The following MGAM variants were observed in gnomAD, a reference collection of about 807,000 sequenced individuals.
MGAM encodes alpha-1,4-glucosidase.
A neutral mutation model predicts 358.8 loss-of-function variants in MGAM; 253 were observed. The ratio of observed to expected loss-of-function variants is 0.71; its 90% CI spans 0.64 to 0.78. The LOEUF is 0.78. MGAM is among the 30% of genes least tolerant of loss of function. MGAM has a pLI of 0.00. For missense variants in MGAM, 3,080 were observed against 3,432.6 expected (o/e 0.90, Z 2.57); for synonymous variants, 1,105 against 1,227.1 (o/e 0.90, Z 2.08).
intron 1 of MGAM, among the ~76,000 whole-genome samples, chr7:141,998,987 A>G (rs1319813867): frequency 6.6e-6 from 1 of 151,870 alleles, no homozygotes; most frequent in Non-Finnish European, 1.5e-5. Context: ...TTTACCCCCC[A>G]CTTTTTCTCC....
Position 142,005,667 on chromosome 7 carries a change from A to C in MGAM, c.127+10A>C, listed in dbSNP as rs1208844364. The C allele has an allele frequency of 6.3e-7, 1 of 1,599,506 alleles. No homozygotes were observed. The highest frequency in any genetic ancestry group is 8.5e-7 in the Non-Finnish European group (1 of 1,172,556). ...TCACTGAAATCAACAGGTAAGAAGT[A>C]ACTCTGGGGCTCTCTCCATATGTTG... On this transcript the variant is annotated intron_variant, in intron 2 of 70. Coordinates refer to ENST00000475668, the MANE Select transcript of MGAM (RefSeq NM_001365693.1).
chr7:142,022,033 G>A (rs1806512289), intron 6 of MGAM, among the ~76,000 whole-genome samples: 1 of 152,074 alleles, frequency 6.6e-6, no homozygotes, highest in South Asian at 2.1e-4. Flanking sequence ...ATAGTGTTCT[G>A]GTCATGTAGT....
chr7:142,040,606 A>G (rs1808426017), intron 20 of MGAM, 116 bp from the exon 21 acceptor site: 1 of 1,322,422 alleles, frequency 7.6e-7, no homozygotes, highest in African/African-American at 1.5e-5. Context: ...GCCTGGCTAG[A>G]CCATAATTCA....
rs77267585 is a variant in MGAM, at chr7:142,026,347, T to C, written c.983-768T>C. ...TATGAAAGTCAGAGAGGAGAAACTT[T>C]TCCTCTAACCTCTTAGGGTTAATTC... is the stretch of plus-strand genomic sequence containing the variant. On this transcript the variant is annotated intron_variant, in intron 8 of 70. Transcript: ENST00000475668. Among the ~76,000 whole-genome samples the C allele has an allele frequency of 1.2e-4, 19 of 152,294 alleles. No homozygotes were observed. In the East Asian group the frequency reaches 3.3e-3, roughly 26 times the overall value.
chr7:142,060,029 A>G (rs1367377837), intron 33 of MGAM, 63 bp downstream of exon 33: 17 of 1,490,610 alleles, frequency 1.1e-5, no homozygotes, highest in Middle Eastern at 2.2e-4. Context: ...TTGGTGGGTC[A>G]CTGTTAGTGG....
intron 54 of MGAM, among the ~76,000 whole-genome samples, chr7:142,085,572 A>T (rs1270748255): frequency 6.8e-6 from 1 of 146,200 alleles, no homozygotes; most frequent in East Asian, 2.0e-4. Context: ...CAGTGTTCGT[A>T]TTTATCCTCA....
At chr7:142,032,978 T>C in intron 14 of MGAM, 69 bp downstream of exon 14, 1 of 1,039,424 alleles carries the variant, frequency 9.6e-7, no homozygotes, top group Non-Finnish European at 1.4e-6. Context: ...TAAGGACAGA[T>C]CTGAAAAATC....
intron 50 of MGAM, 76 bp from the exon 51 acceptor site, chr7:142,081,966 G>A: frequency 7.2e-7 from 1 of 1,394,596 alleles, no homozygotes. Context: ...GTGTTCTGTT[G>A]TCCTTGAAAA....
chr7:142,045,589 C>T (rs181433257), intron 21 of MGAM, among the ~76,000 whole-genome samples: 60 of 93,430 alleles, frequency 6.4e-4, no homozygotes, highest in African/African-American at 1.9e-3. Flanking sequence ...TATATACATA[C>T]AATATATGAA....
rs782023911 is a variant in MGAM at position 142,036,817 on chromosome 7, TC to T, written c.2077-3del. On this transcript the variant is annotated splice_polypyrimidine_tract_variant and splice_region_variant and intron_variant, in intron 17 of 70. Transcript: ENST00000475668. The stretch of plus-strand genomic sequence containing the variant: ...ACCACAACTGCAAACTCCTATTTCC[TC>T]CCAGGACCAGGATCCTGCCTCCTTT... The T allele has an allele frequency of 6.2e-6, 10 of 1,612,680 alleles. No individual in the cohort carries two copies. Among genetic ancestry groups the T allele is most frequent in the Non-Finnish European group, 8.5e-6 (10 of 1,179,276 alleles).
Position 142,050,243 on chromosome 7 carries a change from G to A in MGAM, c.2596G>A (p.Ala866Thr). ...CTTTCTCTCACTTTCAGATACTGTG[G>A]CCAATAAAGTGTATCTTTTATGTGA... ...WDNGETKDTV[A>T]NKVYLLCEFS... is the part of the protein sequence containing the mutation. The change falls in exon 23 of 71, where the codon GCC becomes ACC. Residue 866 changes from alanine (A) to threonine (T), a missense_variant. Physicochemically the swap from Ala to Thr is moderately conservative, Grantham distance 58 (BLOSUM62 0). Coordinates refer to ENST00000475668, the MANE Select transcript of MGAM (RefSeq NM_001365693.1). 1 of 1,613,792 alleles carries A rather than the reference G, an allele frequency of 6.2e-7. No individual in the cohort carries two copies. Among genetic ancestry groups the A allele is most frequent in the South Asian group, 1.1e-5 (1 of 91,086 alleles).
chr7:142,033,969 T>C (rs1397151997), intron 14 of MGAM, among the ~76,000 whole-genome samples: 2 of 152,238 alleles, frequency 1.3e-5, no homozygotes, highest in African/African-American at 4.8e-5. Flanking sequence ...TAGCTCAGTT[T>C]GGAGAATTCA....
chr7:142,044,910 T>C (rs184175129), intron 21 of MGAM, among the ~76,000 whole-genome samples: 1 of 83,544 alleles, frequency 1.2e-5, no homozygotes, highest in Non-Finnish European at 2.3e-5. Context: ...ATATATAATG[T>C]ATATTATATA....
intron 20 of MGAM, 33 bp downstream of exon 20, chr7:142,040,204 A>G (rs757382379): frequency 2.0e-6 from 3 of 1,534,310 alleles, no homozygotes; most frequent in Non-Finnish European, 2.7e-6. Context: ...CTACTCCTTA[A>G]GACTGTAGCT....
intron 1 of MGAM, among the ~76,000 whole-genome samples, chr7:141,998,783 T>G (rs1264388177): frequency 2.0e-5 from 3 of 152,182 alleles, no homozygotes; most frequent in Admixed American, 6.5e-5. Context: ...GTAATGGGAT[T>G]GCTGGGTCAA....
At chr7:142,041,659 G>A (rs1306202165) in intron 21 of MGAM, among the ~76,000 whole-genome samples, 1 of 150,896 alleles carries the variant, frequency 6.6e-6, no homozygotes, top group East Asian at 2.0e-4. Context: ...TGTACATACA[G>A]ACCAGTCATG....
intron 34 of MGAM, among the ~76,000 whole-genome samples, chr7:142,061,235 C>T (rs1398930597): frequency 1.3e-5 from 2 of 152,124 alleles, no homozygotes; most frequent in Non-Finnish European, 2.9e-5. Context: ...CCTACGTGTA[C>T]CCCGTATGGG....
Position 142,076,210 on chromosome 7 carries a change from G to A in MGAM, c.5283G>A (p.Val1761=). ...TCTTTCTGTCACTTTCAGATACTGT[G>A]GCCAAGAAAGTATATCTTTTATGTG... ...FWDDGQTKDT[V]AKKVYLLCEF... The change falls in exon 46 of 71, where the codon GTG becomes GTA. Residue 1761 remains valine, a synonymous_variant. Coordinates refer to ENST00000475668, the MANE Select transcript of MGAM (RefSeq NM_001365693.1). 2 of 1,546,478 alleles carry A rather than the reference G, an allele frequency of 1.3e-6. No homozygotes were observed. The highest frequency in any genetic ancestry group is 1.8e-6 in the Non-Finnish European group (2 of 1,126,222).
At chr7:142,051,890 C>T (rs1453550993) in intron 24 of MGAM, among the ~76,000 whole-genome samples, 1 of 152,110 alleles carries the variant, frequency 6.6e-6, no homozygotes, top group Non-Finnish European at 1.5e-5. Context: ...ATTCTTATTG[C>T]TGTGCTCTTT....
Sources: allele counts gnomAD v4.1 joint callset (sites outside exome capture counted in the v4.1 genomes callset), GRCh38; gene constraint gnomAD v4.1.1; transcripts MANE v1.5; gene names NCBI Gene and HGNC (gene_info 2026-07-23, HGNC 2026-07-21).